Variants in EFCAB5 observed in about 807,000 individuals in gnomAD.
The protein encoded by EFCAB5 is EF-hand calcium binding domain 5.
EFCAB5 carries 131 observed loss-of-function variants against 167.9 expected under a neutral mutation model. That is an observed-to-expected ratio of 0.78 (90% CI 0.68 to 0.90). EFCAB5 has a LOEUF of 0.90. Ranked by LOEUF, EFCAB5 falls within the 40% of genes least tolerant of loss-of-function variation. The probability of loss-of-function intolerance (pLI) is 0.00; values close to 1 mark genes in which losing one functional copy is unlikely to be tolerated. For synonymous variants in EFCAB5, 574 were observed against 602.8 expected, an observed-to-expected ratio of 0.95 and a Z score of 0.70; for missense variants, 1,663 against 1,745.2, an observed-to-expected ratio of 0.95 and a Z score of 0.84.
At chr17:30,095,301 C>G (rs1183842380) in intron 22 of EFCAB5, among the ~76,000 whole-genome samples, 1 of 152,102 alleles carries the variant, frequency 6.6e-6, no homozygotes, top group African/African-American at 2.4e-5. Context: ...CCCCGGCCCT[C>G]CACTTCTCCT....
chr17:29,934,924 T>C (rs2067232574), intron 1 of EFCAB5, among the ~76,000 whole-genome samples: 1 of 152,108 alleles, frequency 6.6e-6, no homozygotes, highest in African/African-American at 2.4e-5. Context: ...TATCTTGCAA[T>C]ATATCTATAA....
chr17:30,057,992 A>G (rs1239953466), intron 13 of EFCAB5, 102 bp downstream of exon 13: 11 of 997,550 alleles, frequency 1.1e-5, no homozygotes, highest in Admixed American at 2.6e-5. Flanking sequence ...AAAATGTACA[A>G]CCAAACTGAT....
Position 30,108,144 on chromosome 17 carries a change from A to T in EFCAB5, c.*120A>T, listed in dbSNP as rs2071474450. On this transcript the variant is annotated 3_prime_UTR_variant, in exon 23 of 23. Transcript: ENST00000394835. ...GTACCTATAAATGTCTTCTGCTGCT[A>T]ATATTTATCTCAGCACTTTCTAAAC... The T allele has an allele frequency of 8.6e-7, 1 of 1,161,178 alleles. No individual in the cohort carries two copies. Among genetic ancestry groups the T allele is most frequent in the Non-Finnish European group, 1.2e-6 (1 of 849,760 alleles). The allele number at this position is 1,161,178 out of a possible 1,614,324, so 71.9% of individuals were successfully genotyped here. A position where few individuals can be genotyped will look rare whatever the true frequency, so the allele number is the denominator to read the frequency against.
At chr17:30,024,236 C>G (rs1275591988) in intron 7 of EFCAB5, among the ~76,000 whole-genome samples, 2 of 151,910 alleles carry the variant, frequency 1.3e-5, no homozygotes, top group Non-Finnish European at 2.9e-5. Flanking sequence ...AAGAGGAAGT[C>G]AAATTGTCCC....
intron 22 of EFCAB5, among the ~76,000 whole-genome samples, chr17:30,104,307 C>A (rs1050339002): frequency 3.9e-5 from 6 of 152,160 alleles, no homozygotes; most frequent in African/African-American, 1.2e-4. Flanking sequence ...AAAGATTTAA[C>A]TTTATTAATC....
Position 30,053,842 on chromosome 17 carries a change from A to G in EFCAB5, c.1888A>G (p.Arg630Gly), listed in dbSNP as rs2070176300. The G allele has an allele frequency of 1.2e-6, 2 of 1,614,062 alleles. No homozygotes were observed. The highest frequency in any genetic ancestry group is 1.7e-6 in the Non-Finnish European group (2 of 1,179,892). The change falls in exon 10 of 23, where the codon AGA (arginine) becomes GGA (glycine). Residue 630 changes from arginine (R) to glycine (G), a missense_variant. Coordinates refer to ENST00000394835, the MANE Select transcript of EFCAB5 (RefSeq NM_198529.4). ...KGSVAEQGSR[R>G]MSAAEQGSLR... Reference sequence around the variant, plus strand: ...GTCAGTAGCAGAACAAGGATCACGCAGAATGTCAGCTGCAGAACAGGGATC... The same window carrying G: ...GTCAGTAGCAGAACAAGGATCACGCGGAATGTCAGCTGCAGAACAGGGATC...
chr17:29,996,425 T>G, intron 6 of EFCAB5, 65 bp downstream of exon 6: 2 of 1,340,440 alleles, frequency 1.5e-6, no homozygotes. Context: ...GACACTGAAT[T>G]CAGATGAAGA....
At chr17:30,091,718 A>C (rs1418799248) in intron 20 of EFCAB5, among the ~76,000 whole-genome samples, 153 bp from the exon 21 acceptor site, 1 of 152,186 alleles carries the variant, frequency 6.6e-6, no homozygotes, top group Admixed American at 6.6e-5. Context: ...TTCATGGCTA[A>C]AGAAACTGAG....
intron 4 of EFCAB5, among the ~76,000 whole-genome samples, chr17:29,985,477 G>A (rs2068261761): frequency 6.6e-6 from 1 of 152,178 alleles, no homozygotes; most frequent in South Asian, 2.1e-4. Context: ...AATAAAGTGT[G>A]GAGTGGGAAA....
At chr17:29,979,880 A>G (rs1030097203) in intron 4 of EFCAB5, among the ~76,000 whole-genome samples, 1 of 152,156 alleles carries the variant, frequency 6.6e-6, no homozygotes, top group Non-Finnish European at 1.5e-5. Context: ...AATAACTTAA[A>G]CTTACTAGCC....
At chr17:30,015,881 C>T (rs571983271) in intron 7 of EFCAB5, among the ~76,000 whole-genome samples, 3 of 151,600 alleles carry the variant, frequency 2.0e-5, no homozygotes, top group Admixed American at 6.6e-5. Flanking sequence ...CAGGTCCAAA[C>T]GATTCTCCTG....
intron 8 of EFCAB5, among the ~76,000 whole-genome samples, chr17:30,048,589 G>T (rs1021866557): frequency 6.6e-6 from 1 of 151,692 alleles, no homozygotes; most frequent in Non-Finnish European, 1.5e-5. Flanking sequence ...CCACCTCCTG[G>T]GTTCGAGCGA....
chr17:30,001,143 C>G (rs2068653621), intron 7 of EFCAB5, among the ~76,000 whole-genome samples: 1 of 152,176 alleles, frequency 6.6e-6, no homozygotes, highest in South Asian at 2.1e-4. Flanking sequence ...TGGTGCTTCC[C>G]CTGTGGCCCT....
intron 4 of EFCAB5, among the ~76,000 whole-genome samples, chr17:29,986,671 C>T (rs1185916925): frequency 3.7e-5 from 3 of 80,232 alleles, no homozygotes; most frequent in South Asian, 8.3e-4. Flanking sequence ...TTTTTTGAGA[C>T]GGAGTCTCGC....
At chr17:29,979,562 T>C (rs1319835495) in intron 4 of EFCAB5, among the ~76,000 whole-genome samples, 1 of 152,176 alleles carries the variant, frequency 6.6e-6, no homozygotes. Flanking sequence ...GAGTGCCAGC[T>C]TTCTCTGTCT....
At chr17:29,947,386 G>A (rs568044019) in intron 3 of EFCAB5, among the ~76,000 whole-genome samples, 2 of 152,150 alleles carry the variant, frequency 1.3e-5, no homozygotes, top group South Asian at 4.2e-4. Flanking sequence ...GACATGCCGA[G>A]CGATATAATG....
intron 7 of EFCAB5, among the ~76,000 whole-genome samples, chr17:30,006,913 T>C (rs1469932765): frequency 2.6e-5 from 4 of 152,196 alleles, no homozygotes; most frequent in Non-Finnish European, 5.9e-5. Flanking sequence ...CACCTCTGCC[T>C]CCCAAAGTGC....
chr17:30,080,828 C>A lies in EFCAB5; in HGVS notation c.3273C>A (p.Asn1091Lys), dbSNP rs890577285. 6.2e-7 allele frequency: 1 copy of A among 1,613,602 alleles called. No homozygotes were observed. Among genetic ancestry groups the A allele is most frequent in the African/African-American group, 1.3e-5 (1 of 74,914 alleles). ...ACCATGGGAACATCTTCTTCTGGAA[C>A]CAGTCCCGTAATAAGCATGATTATA... The part of the protein sequence containing the change: ...VQYHGNIFFW[N>K]QSRNKHDYNG... The change falls in exon 17 of 23, where the codon AAC becomes AAA. Residue 1091 changes from asparagine to lysine, a missense_variant. Asn to Lys is a moderately conservative substitution (Grantham distance 94). Coordinates refer to ENST00000394835, the MANE Select transcript of EFCAB5 (RefSeq NM_198529.4).
chr17:30,054,331 TCAC>T (rs942843795), intron 10 of EFCAB5, among the ~76,000 whole-genome samples, 183 bp downstream of exon 10: 3 of 152,192 alleles, frequency 2.0e-5, no homozygotes, highest in African/African-American at 7.2e-5. Flanking sequence ...TTAATTACAT[TCAC>T]TAATGAAATG....
Sources: allele counts gnomAD v4.1 joint callset (sites outside exome capture counted in the v4.1 genomes callset), GRCh38; gene constraint gnomAD v4.1.1; transcripts MANE v1.5; gene names NCBI Gene and HGNC (gene_info 2026-07-23, HGNC 2026-07-21).